TSPAN18: variants seen among roughly 807,000 people sequenced by gnomAD.
TSPAN18 encodes the protein tetraspanin 18.
A neutral mutation model predicts 27.3 loss-of-function variants in TSPAN18; 14 were observed. The ratio of observed to expected loss-of-function variants is 0.51; its 90% CI spans 0.34 to 0.80. The LOEUF is 0.80. Among genes scored for constraint, TSPAN18 ranks in the 30% least tolerant of loss-of-function variants. The pLI is 0.01. For synonymous variants in TSPAN18, 143 were observed against 136.5 expected (o/e 1.05, Z -0.33); for missense variants, 268 against 323.9 (o/e 0.83, Z 1.32).
intron 3 of TSPAN18, among the ~76,000 whole-genome samples, chr11:44,902,645 T>C (rs1859304018): frequency 6.6e-6 from 1 of 152,180 alleles, no homozygotes; most frequent in African/African-American, 2.4e-5. Flanking sequence ...CCCTGCCCAC[T>C]GCCCTCTGGG....
intron 1 of TSPAN18, among the ~76,000 whole-genome samples, chr11:44,741,420 G>C (rs942248675): frequency 4.0e-5 from 6 of 150,776 alleles, no homozygotes; most frequent in Non-Finnish European, 8.8e-5. Flanking sequence ...ACTCACAAAG[G>C]TCTATTCAAA....
chr11:44,805,061 A>AC (rs1233945603), intron 2 of TSPAN18, among the ~76,000 whole-genome samples: 1 of 152,206 alleles, frequency 6.6e-6, no homozygotes, highest in Non-Finnish European at 1.5e-5. Context: ...ATCAGGAGTG[A>AC]CTGGCTACCT....
At chr11:44,825,688 T>C (rs934848485) in intron 2 of TSPAN18, among the ~76,000 whole-genome samples, 1 of 152,188 alleles carries the variant, frequency 6.6e-6, no homozygotes, top group African/African-American at 2.4e-5. Flanking sequence ...CGTCTCAGCA[T>C]TTGAACCTGA....
chr11:44,757,803 C>T (rs1855366300), intron 1 of TSPAN18, among the ~76,000 whole-genome samples: 1 of 151,766 alleles, frequency 6.6e-6, no homozygotes. Flanking sequence ...TCTTTTCTGC[C>T]CATTTTTTAA....
At chr11:44,749,887 T>C (rs1259727628) in intron 1 of TSPAN18, among the ~76,000 whole-genome samples, 1 of 152,146 alleles carries the variant, frequency 6.6e-6, no homozygotes, top group Non-Finnish European at 1.5e-5. Context: ...CCACCCGCCT[T>C]GGCCTCCCAA....
intron 1 of TSPAN18, chr11:44,736,580 T>C (rs1200025136): frequency 6.6e-6 from 1 of 151,832 alleles, no homozygotes; most frequent in Non-Finnish European, 1.5e-5. Context: ...ATAGGGGGGG[T>C]CCCTGGGAGG....
intron 1 of TSPAN18, among the ~76,000 whole-genome samples, chr11:44,739,415 G>C (rs1854876731): frequency 6.6e-6 from 1 of 152,306 alleles, no homozygotes; most frequent in African/African-American, 2.4e-5. Context: ...TTGAGGTTAG[G>C]AGCTCGAGAC....
At chr11:44,910,355 C>T (rs1859662925) in intron 5 of TSPAN18, among the ~76,000 whole-genome samples, 1 of 152,212 alleles carries the variant, frequency 6.6e-6, no homozygotes, top group South Asian at 2.1e-4. Flanking sequence ...CCACATAGGT[C>T]CACCTCCAGG....
chr11:44,855,545 G>A (rs183964712), intron 2 of TSPAN18, among the ~76,000 whole-genome samples: 118 of 152,174 alleles, frequency 7.8e-4, no homozygotes, highest in African/African-American at 2.8e-3. Context: ...TTATAGGGGA[G>A]GGAACTGAGG....
chr11:44,912,572 T>C (rs939200120), intron 5 of TSPAN18, among the ~76,000 whole-genome samples: 6 of 152,186 alleles, frequency 3.9e-5, no homozygotes, highest in African/African-American at 1.4e-4. Context: ...AAAATTTACC[T>C]AAAATTATAT....
chr11:44,911,985 GTAGCTC>G lies in TSPAN18; in HGVS notation c.258+2087_258+2092del, dbSNP rs1435876681. On this transcript the variant is annotated intron_variant, in intron 5 of 9. Transcript: ENST00000520358. ...CCCCCTTCTTTCTGCCTATCTCTGT[GTAGCTC>G]CCTTTCCTCTCTGCCTCTGTCCTCC... Among the ~76,000 whole-genome samples, 19 of 120,388 alleles carry G rather than the reference GTAGCTC, an allele frequency of 1.6e-4. 1 individual carries two copies. The highest frequency in any genetic ancestry group is 6.0e-4 in the Admixed American group (5 of 8,292). 79.0% of individuals were successfully genotyped at this position (120,388 alleles called of 152,430 possible).
chr11:44,790,512 C>A (rs971057817), intron 2 of TSPAN18, among the ~76,000 whole-genome samples: 1 of 134,616 alleles, frequency 7.4e-6, no homozygotes, highest in Non-Finnish European at 1.5e-5. Context: ...TTTGTGTGTG[C>A]ATGTGTTTTT....
intron 2 of TSPAN18, among the ~76,000 whole-genome samples, chr11:44,844,578 G>A (rs1857442140): frequency 6.6e-6 from 1 of 152,120 alleles, no homozygotes; most frequent in Admixed American, 6.5e-5. Flanking sequence ...GCATTTCCCT[G>A]GTAGTAAGAT....
intron 2 of TSPAN18, among the ~76,000 whole-genome samples, chr11:44,808,918 C>T (rs1856658580): frequency 6.6e-6 from 1 of 152,166 alleles, no homozygotes; most frequent in Admixed American, 6.5e-5. Flanking sequence ...CATCCTTGAA[C>T]TTTGTGCCTT....
intron 8 of TSPAN18, among the ~76,000 whole-genome samples, chr11:44,925,145 T>A (rs1860304111): frequency 6.6e-6 from 1 of 152,192 alleles, no homozygotes; most frequent in South Asian, 2.1e-4. Context: ...AATTAAGACC[T>A]TTTCTCCTTG....
Position 44,890,615 on chromosome 11 carries a change from C to T in TSPAN18, c.-10-15792C>T, listed in dbSNP as rs374341739. On this transcript the variant is annotated intron_variant, in intron 3 of 9. Transcript: ENST00000520358. ...GCGGGCGCCTGTAGTCCCAGCTACTCGGGAGGCTGAGGCAGGAGAATGGCG... is the reference window on the plus strand; with the variant it reads ...GCGGGCGCCTGTAGTCCCAGCTACTTGGGAGGCTGAGGCAGGAGAATGGCG... Among the ~76,000 whole-genome samples the T allele has an allele frequency of 6.6e-5, 10 of 152,032 alleles. No homozygotes were observed. In the East Asian group the frequency reaches 1.6e-3, roughly 24 times the overall value.
intron 3 of TSPAN18, among the ~76,000 whole-genome samples, chr11:44,879,844 C>T (rs1217955284): frequency 1.3e-5 from 2 of 152,222 alleles, no homozygotes; most frequent in African/African-American, 2.4e-5. Flanking sequence ...GACGAAGAAG[C>T]GTGTCCCGTT....
chr11:44,861,809 A>T (rs1280965756), intron 3 of TSPAN18, among the ~76,000 whole-genome samples: 4 of 150,536 alleles, frequency 2.7e-5, no homozygotes, highest in Non-Finnish European at 3.0e-5. Context: ...ACACACACAC[A>T]CACACACACA....
intron 2 of TSPAN18, among the ~76,000 whole-genome samples, chr11:44,775,407 C>T (rs1855782209): frequency 6.6e-6 from 1 of 152,138 alleles, no homozygotes. Flanking sequence ...TGTTCCTCTC[C>T]CCATTTGTTG....
Sources: allele counts gnomAD v4.1 joint callset (sites outside exome capture counted in the v4.1 genomes callset), GRCh38; gene constraint gnomAD v4.1.1; transcripts MANE v1.5; gene names NCBI Gene and HGNC (gene_info 2026-07-23, HGNC 2026-07-21).